SLC44A5: variants seen among roughly 807,000 people sequenced by gnomAD.
SLC44A5 encodes choline transporter-like protein 5.
SLC44A5 carries 57 observed loss-of-function variants against 101.8 expected under a neutral mutation model. That is an observed-to-expected ratio of 0.56 (90% CI 0.45 to 0.70). SLC44A5 has a LOEUF of 0.70. Among genes scored for constraint, SLC44A5 ranks in the 30% least tolerant of loss-of-function variants. The pLI is 0.00. For missense variants in SLC44A5, 737 were observed against 853.1 expected (o/e 0.86, Z 1.70); for synonymous variants, 281 against 290.9 (o/e 0.97, Z 0.35).
chr1:75,216,500 A>T (rs1041030738), intron 18 of SLC44A5, among the ~76,000 whole-genome samples: 4 of 151,870 alleles, frequency 2.6e-5, no homozygotes, highest in Admixed American at 6.6e-5. Context: ...ATATTTAAAA[A>T]TTTTTTAGAA....
intron 5 of SLC44A5, among the ~76,000 whole-genome samples, chr1:75,295,986 TTTATTA>T (rs1653931551): frequency 1.3e-5 from 2 of 152,212 alleles, no homozygotes; most frequent in African/African-American, 2.4e-5. Flanking sequence ...TTTTGACTAC[TTTATTA>T]TTAACTATTT....
chr1:75,503,059 G>T (rs1233276968), intron 2 of SLC44A5, among the ~76,000 whole-genome samples: 1 of 152,086 alleles, frequency 6.6e-6, no homozygotes, highest in Non-Finnish European at 1.5e-5. Context: ...TGAACAAAAG[G>T]TACTATTGTC....
At chr1:75,577,588 C>T (rs1404927049) in intron 1 of SLC44A5, among the ~76,000 whole-genome samples, 1 of 152,214 alleles carries the variant, frequency 6.6e-6, no homozygotes, top group Non-Finnish European at 1.5e-5. Flanking sequence ...AAGACCACCA[C>T]ATTCATACAT....
intron 3 of SLC44A5, among the ~76,000 whole-genome samples, chr1:75,384,910 A>T (rs1295122646): frequency 2.6e-5 from 4 of 151,164 alleles, no homozygotes; most frequent in Non-Finnish European, 4.5e-5. Context: ...ATCTCACTCA[A>T]AACCACTCAA....
chr1:75,685,209 A>G, the SLC44A5 span, among the ~76,000 whole-genome samples: 6 of 152,186 alleles, frequency 3.9e-5, no homozygotes, highest in Non-Finnish European at 8.8e-5. Context: ...GGCCTAGCCC[A>G]CAAAACCATT....
the SLC44A5 span, among the ~76,000 whole-genome samples, chr1:75,674,657 C>T: frequency 3.9e-5 from 6 of 152,202 alleles, no homozygotes; most frequent in South Asian, 1.2e-3. Flanking sequence ...GCTGGGATTA[C>T]AGGCATGAGC....
chr1:75,262,942 A>G (rs960609820), intron 6 of SLC44A5, among the ~76,000 whole-genome samples: 1 of 152,364 alleles, frequency 6.6e-6, no homozygotes. Flanking sequence ...CAGAAAGCTG[A>G]AACTGGATCC....
intron 19 of SLC44A5, 86 bp from the exon 20 acceptor site, chr1:75,214,764 A>G: frequency 9.6e-7 from 1 of 1,041,332 alleles, no homozygotes; most frequent in Non-Finnish European, 1.4e-6. Context: ...AAGGTAACCA[A>G]ATTAATTCCT....
At chr1:75,366,564 T>C (rs938339160) in intron 3 of SLC44A5, among the ~76,000 whole-genome samples, 1 of 152,242 alleles carries the variant, frequency 6.6e-6, no homozygotes, top group African/African-American at 2.4e-5. Flanking sequence ...AGTCCCATAT[T>C]GCTGTCAAGA....
At chr1:75,723,242 C>T in the SLC44A5 span, among the ~76,000 whole-genome samples, 4 of 152,260 alleles carry the variant, frequency 2.6e-5, no homozygotes, top group South Asian at 4.1e-4. Flanking sequence ...CGAGCGGCAA[C>T]CTTTCTGCAG....
At chr1:75,632,602 T>C in the SLC44A5 span, among the ~76,000 whole-genome samples, 6 of 111,172 alleles carry the variant, frequency 5.4e-5, no homozygotes, top group East Asian at 1.2e-3. Context: ...TGACTATCAT[T>C]CCTGTTTTTC....
At chr1:75,344,258 T>C (rs1444567372) in intron 3 of SLC44A5, among the ~76,000 whole-genome samples, 1 of 152,128 alleles carries the variant, frequency 6.6e-6, no homozygotes, top group East Asian at 1.9e-4. Flanking sequence ...CCTGAGAACT[T>C]TCAAAGAATT....
intron 5 of SLC44A5, among the ~76,000 whole-genome samples, chr1:75,276,533 T>A (rs1306773349): frequency 6.6e-6 from 1 of 150,494 alleles, no homozygotes; most frequent in African/African-American, 2.4e-5. Flanking sequence ...AGTCACTTAA[T>A]TATTTTGAGT....
chr1:75,592,199 T>TA (rs1186113052), intron 1 of SLC44A5, among the ~76,000 whole-genome samples: 1 of 151,890 alleles, frequency 6.6e-6, no homozygotes, highest in African/African-American at 2.4e-5. Flanking sequence ...AAAATTAACA[T>TA]AAAAAATCAG....
the SLC44A5 span, among the ~76,000 whole-genome samples, chr1:75,619,687 A>G: frequency 6.6e-6 from 1 of 152,180 alleles, no homozygotes; most frequent in African/African-American, 2.4e-5. Context: ...TCCAAACAGC[A>G]AGGGCTGAAC....
At chr1:75,722,386 C>T in the SLC44A5 span, among the ~76,000 whole-genome samples, 2 of 152,170 alleles carry the variant, frequency 1.3e-5, no homozygotes, top group Non-Finnish European at 2.9e-5. Context: ...CAATGAGGTT[C>T]GTGATCAACT....
the SLC44A5 span, among the ~76,000 whole-genome samples, chr1:75,640,958 T>C: frequency 1.3e-5 from 2 of 152,012 alleles, no homozygotes; most frequent in Non-Finnish European, 2.9e-5. Flanking sequence ...ATGAGCCAAG[T>C]GAAGATGTGA....
At chr1:75,280,397 ATTATATATTGTATATATAAT>A (rs1166485480) in intron 5 of SLC44A5, among the ~76,000 whole-genome samples, 25 of 116,822 alleles carry the variant, frequency 2.1e-4, no homozygotes, top group East Asian at 4.2e-4. Flanking sequence ...TATTGTATAT[ATTATATATTGTATATATAAT>A]ATATATATTG....
intron 1 of SLC44A5, among the ~76,000 whole-genome samples, chr1:75,564,165 G>T (rs943026911): frequency 6.6e-6 from 1 of 152,058 alleles, no homozygotes; most frequent in Admixed American, 6.6e-5. Context: ...ATATCAAATG[G>T]GCTAGACTGA....
Sources: allele counts gnomAD v4.1 joint callset (sites outside exome capture counted in the v4.1 genomes callset), GRCh38; gene constraint gnomAD v4.1.1; transcripts MANE v1.5; gene names NCBI Gene and HGNC (gene_info 2026-07-23, HGNC 2026-07-21).